SHPRH: variants seen among roughly 807,000 people sequenced by gnomAD.
The protein encoded by SHPRH is E3 ubiquitin-protein ligase SHPRH.
In SHPRH, 106 loss-of-function variants were observed where a neutral mutation model predicts 202.5. The observed-to-expected ratio is 0.52, with a 90% CI of 0.45 to 0.62. The LOEUF is 0.62. Among genes scored for constraint, SHPRH ranks in the 20% least tolerant of loss-of-function variants. The probability of loss-of-function intolerance (pLI) is 0.00; values close to 1 mark genes in which losing one functional copy is unlikely to be tolerated. For synonymous variants in SHPRH, 729 were observed against 686.0 expected, an observed-to-expected ratio of 1.06 and a Z score of -0.98; for missense variants, 1,710 against 2,020.0, an observed-to-expected ratio of 0.85 and a Z score of 2.94.
At chr6:145,887,303 T>C (rs1295273694) in intron 29 of SHPRH, among the ~76,000 whole-genome samples, 1 of 152,178 alleles carries the variant, frequency 6.6e-6, no homozygotes, top group African/African-American at 2.4e-5. Flanking sequence ...TTCTTTGCTA[T>C]GTGACAATCC....
At chr6:145,895,781 G>A (rs1213343737) in intron 25 of SHPRH, among the ~76,000 whole-genome samples, 1 of 151,946 alleles carries the variant, frequency 6.6e-6, no homozygotes, top group Non-Finnish European at 1.5e-5. Context: ...ACTAGTTATA[G>A]TTTCTAATCC....
intron 1 of SHPRH, among the ~76,000 whole-genome samples, chr6:145,962,384 T>A (rs564400845): frequency 6.6e-6 from 1 of 152,354 alleles, no homozygotes; most frequent in South Asian, 2.1e-4. Context: ...TTTGAGGACC[T>A]AACGATACTT....
At chr6:145,956,354 C>T (rs1788508377) in intron 1 of SHPRH, among the ~76,000 whole-genome samples, 1 of 152,036 alleles carries the variant, frequency 6.6e-6, no homozygotes, top group Non-Finnish European at 1.5e-5. Context: ...AAAGAACAAT[C>T]ACAATAAGGT....
At chr6:145,925,280 T>C (rs1784761589) in intron 16 of SHPRH, among the ~76,000 whole-genome samples, 1 of 151,316 alleles carries the variant, frequency 6.6e-6, no homozygotes, top group Non-Finnish European at 1.5e-5. Context: ...AGGAACTGAA[T>C]TTTGTTTCCC....
chr6:145,858,777 A>G, the SHPRH span, among the ~76,000 whole-genome samples: 3 of 152,160 alleles, frequency 2.0e-5, no homozygotes, highest in South Asian at 2.1e-4. Flanking sequence ...TTCCTCTTCA[A>G]TATTCAATAA....
rs778506194 is a variant in SHPRH, at chr6:145,943,376, T to C, written c.2005A>G (p.Ile669Val). The change falls in exon 9 of 30, where the codon ATA becomes GTA. Residue 669 changes from isoleucine (I) to valine (V), a missense_variant. Around this residue, in one of 8 missense-constraint regions of SHPRH, gnomAD observed 348 missense variants for 356.9 expected, o/e 0.97. Transcript: ENST00000275233. ...FECICGELDQ[I>V]DRKPRVQCLK... ...CATTGAACACGAGGCTTACGATCTA[T>C]CTGATCAAGTTCACCACATATACAC... The C allele has an allele frequency of 6.2e-7, 1 of 1,614,006 alleles. No individual in the cohort carries two copies. Among genetic ancestry groups the C allele is most frequent in the Non-Finnish European group, 8.5e-7 (1 of 1,179,950 alleles).
At chr6:145,929,286 T>A (rs1785194989) in intron 14 of SHPRH, among the ~76,000 whole-genome samples, 1 of 152,010 alleles carries the variant, frequency 6.6e-6, no homozygotes, top group Non-Finnish European at 1.5e-5. Flanking sequence ...ATTGTCAAGC[T>A]AATTTTCTCC....
chr6:145,897,204 A>G (rs928824063), intron 25 of SHPRH, among the ~76,000 whole-genome samples: 1 of 151,942 alleles, frequency 6.6e-6, no homozygotes, highest in African/African-American at 2.4e-5. Context: ...AAATGAAAGT[A>G]GAGACATTAA....
rs370617610 is a variant in SHPRH, at chr6:145,913,285, T to C, written c.4326+193A>G. Among the ~76,000 whole-genome samples the C allele has an allele frequency of 4.9e-4, 75 of 152,246 alleles. No individual in the cohort carries two copies. In the South Asian group the frequency reaches 0.011, roughly 23 times the overall value. On this transcript the variant is annotated intron_variant, in intron 24 of 29. Coordinates refer to ENST00000275233, the MANE Select transcript of SHPRH (RefSeq NM_001042683.3). The stretch of plus-strand genomic sequence containing the variant: ...TCTAGAAATATTTTTTCACTTCCCA[T>C]TTAAGAAAAGCATTGCTCAAACATC...
intron 1 of SHPRH, among the ~76,000 whole-genome samples, chr6:145,956,924 T>C (rs1484866457): frequency 6.6e-6 from 1 of 152,100 alleles, no homozygotes; most frequent in East Asian, 1.9e-4. Context: ...CTAAAATGCC[T>C]ACAATACAGG....
Position 145,909,623 on chromosome 6 carries a change from C to A in SHPRH, c.4515+825G>T, listed in dbSNP as rs919243730. ...CACATTACTTAAAAGTGAGGAGTAT[C>A]AAAAACTCAGAAGGAATTAATAAAG... is the stretch of plus-strand genomic sequence containing the variant. On this transcript the variant is annotated intron_variant, in intron 25 of 29. Coordinates refer to ENST00000275233, the MANE Select transcript of SHPRH (RefSeq NM_001042683.3). 5.3e-5 allele frequency: 8 copies of A among 152,164 alleles called. No individual in the cohort carries two copies. In the East Asian group the frequency reaches 1.5e-3, roughly 29 times the overall value. The allele number at this position is 152,164 out of a possible 1,614,324, so 9.4% of individuals were successfully genotyped here.
At chr6:145,904,769 G>T (rs937441955) in intron 25 of SHPRH, 3 of 152,056 alleles carry the variant, frequency 2.0e-5, no homozygotes, top group Non-Finnish European at 4.4e-5. Flanking sequence ...AATTACATGT[G>T]CATCTATGAT....
At position 145,952,366 on chromosome 6, in the gene SHPRH, T is replaced by C. The variant is rs751150848; in HGVS notation, c.746A>G (p.His249Arg). Residue 249 changes from histidine to arginine, a missense_variant, in exon 3 of 30, where the codon CAC becomes CGC. Transcript: ENST00000275233. ...AATATTACCTGGAATAATAGAATTG[T>C]GTAACTTTTCCATTACTTTCTTCAT... ...QLMKKVMEKL[H>R]NSIIPDVLEE... 82 of 1,602,848 alleles carry C rather than the reference T, an allele frequency of 5.1e-5. No homozygotes were observed. The highest frequency in any genetic ancestry group is 6.5e-5 in the Non-Finnish European group (76 of 1,174,908).
chr6:145,858,148 C>G, the SHPRH span, among the ~76,000 whole-genome samples: 3 of 152,046 alleles, frequency 2.0e-5, no homozygotes, highest in Admixed American at 6.5e-5. Context: ...GTTTGGAAAA[C>G]AGTTTAGCAA....
At chr6:145,903,490 TA>T (rs1782685755) in intron 25 of SHPRH, 1 of 152,084 alleles carries the variant, frequency 6.6e-6, no homozygotes, top group South Asian at 2.1e-4. Flanking sequence ...ATATGCTTGC[TA>T]AAAATGCAGA....
intron 3 of SHPRH, among the ~76,000 whole-genome samples, chr6:145,950,691 G>T (rs973071129): frequency 6.6e-6 from 1 of 151,892 alleles, no homozygotes; most frequent in African/African-American, 2.4e-5. Flanking sequence ...CTTTTTCCAT[G>T]GCATTTTCTT....
In SHPRH at chr6:145,894,921, A is replaced by G. The variant is rs1781882243; in HGVS notation, c.4572T>C (p.Leu1524=). The part of the protein sequence containing the change: ...AVVRTLMKIQ[L]RDPGAKALVF... ...CGAGTGCTTTGGCCCCTGGATCTCT[A>G]AGCTGTATTTTCATCAGAGTTCTGA... is the stretch of plus-strand genomic sequence containing the variant. The change falls in exon 26 of 30, where the codon CTT becomes CTC. Residue 1524 remains leucine, a synonymous_variant. Transcript: ENST00000275233. The G allele has an allele frequency of 6.2e-7, 1 of 1,612,950 alleles. No homozygotes were observed. The highest frequency in any genetic ancestry group is 1.3e-5 in the African/African-American group (1 of 74,868).
In SHPRH at chr6:145,963,911, G is replaced by A. The variant is rs1182246642; in HGVS notation, c.-213C>T. 2 of 152,282 alleles carry A rather than the reference G, an allele frequency of 1.3e-5. No homozygotes were observed. The highest frequency in any genetic ancestry group is 4.8e-5 in the African/African-American group (2 of 41,448). The allele number at this position is 152,282 out of a possible 1,614,324, so 9.4% of individuals were successfully genotyped here. ...AAACACCGCAGGCCCCAGTGCATGA[G>A]GAGAAGCACAGCCTCCTTTCCCACG... On this transcript the variant is annotated 5_prime_UTR_variant, in exon 1 of 30. Transcript: ENST00000275233.
intron 23 of SHPRH, chr6:145,917,079 G>GA (rs1784021077): frequency 6.6e-6 from 1 of 152,072 alleles, no homozygotes; most frequent in African/African-American, 2.4e-5. Context: ...CTTAATGTTA[G>GA]CAATTTGCAT....
Sources: allele counts gnomAD v4.1 joint callset (sites outside exome capture counted in the v4.1 genomes callset), GRCh38; gene constraint gnomAD v4.1.1; regional missense constraint gnomAD v4.1.1; transcripts MANE v1.5; gene names NCBI Gene and HGNC (gene_info 2026-07-23, HGNC 2026-07-21).